The following PTPRO variants were observed in gnomAD, a reference collection of about 807,000 sequenced individuals.
The protein encoded by PTPRO is protein tyrosine phosphatase receptor type O, also known as receptor-type tyrosine-protein phosphatase O.
Under a neutral mutation model 145.2 loss-of-function variants are expected in PTPRO, and 62 were observed. The observed-to-expected ratio is 0.43, with a 90% CI of 0.35 to 0.53. The LOEUF (loss-of-function observed/expected upper bound fraction) is 0.53. Among genes scored for constraint, PTPRO ranks in the 20% least tolerant of loss-of-function variants. The probability of loss-of-function intolerance (pLI) is 0.01; values close to 1 mark genes in which losing one functional copy is unlikely to be tolerated. For missense variants in PTPRO, 1,345 were observed against 1,482.7 expected (o/e 0.91, Z 1.53); for synonymous variants, 565 against 514.7 (o/e 1.10, Z -1.32).
chr12:15,583,258 G>A (rs1944359435), intron 23 of PTPRO, among the ~76,000 whole-genome samples: 1 of 152,130 alleles, frequency 6.6e-6, no homozygotes, highest in Non-Finnish European at 1.5e-5. Flanking sequence ...GAGGCGAGCA[G>A]ATCACTTAAG....
chr12:15,555,311 A>G (rs190138789), intron 15 of PTPRO, among the ~76,000 whole-genome samples: 1 of 152,296 alleles, frequency 6.6e-6, no homozygotes, highest in East Asian at 1.9e-4. Flanking sequence ...AAATTCAGGG[A>G]GTAAATGTAA....
At chr12:15,424,890 G>T (rs2136332186) in intron 1 of PTPRO, among the ~76,000 whole-genome samples, 1 of 152,234 alleles carries the variant, frequency 6.6e-6, no homozygotes, top group African/African-American at 2.4e-5. Flanking sequence ...AAGTCAGATT[G>T]TGAGGATGGC....
In PTPRO at chr12:15,516,844, G is replaced by A. The variant is rs1416120076; in HGVS notation, c.1667G>A (p.Gly556Asp). 6.2e-7 allele frequency: 1 copy of A among 1,612,132 alleles called. No individual in the cohort carries two copies. The change falls in exon 9 of 27, where the codon GGC becomes GAC. Residue 556 changes from glycine to aspartate, a missense_variant. Transcript: ENST00000281171. The part of the protein sequence containing the change: ...VVLSWTRPYL[G>D]VFRKYVVEMF... ...CTGAGCTGGACCAGACCTTATTTAG[G>A]CGTGTTCAGAAAATACGTGGTTGAA...
chr12:15,504,207 T>C, intron 6 of PTPRO, 138 bp downstream of exon 6: 1 of 951,920 alleles, frequency 1.1e-6, no homozygotes, highest in Non-Finnish European at 1.6e-6. Flanking sequence ...GAGGCTGAGA[T>C]CCACAAGCTT....
chr12:15,564,768 A>C (rs1324408034), intron 17 of PTPRO, among the ~76,000 whole-genome samples: 2 of 152,240 alleles, frequency 1.3e-5, no homozygotes, highest in African/African-American at 4.8e-5. Flanking sequence ...ACTTGCAAAA[A>C]AGTTTGCTGT....
intron 12 of PTPRO, among the ~76,000 whole-genome samples, chr12:15,534,685 G>A (rs1326580619): frequency 6.6e-6 from 1 of 152,188 alleles, no homozygotes; most frequent in Non-Finnish European, 1.5e-5. Context: ...GGAACAGGCA[G>A]GCCTGAGTAT....
intron 1 of PTPRO, among the ~76,000 whole-genome samples, chr12:15,384,436 A>G (rs1403680669): frequency 6.6e-6 from 1 of 152,200 alleles, no homozygotes; most frequent in African/African-American, 2.4e-5. Context: ...TGGAAAAGCT[A>G]AGATCGAGGT....
intron 13 of PTPRO, among the ~76,000 whole-genome samples, chr12:15,548,588 G>C (rs1006866935): frequency 2.0e-5 from 3 of 151,856 alleles, no homozygotes; most frequent in African/African-American, 7.3e-5. Context: ...CCAAATTTGT[G>C]AAATGAAGTT....
chr12:15,336,792 A>G (rs1866778688), intron 1 of PTPRO, among the ~76,000 whole-genome samples: 1 of 152,156 alleles, frequency 6.6e-6, no homozygotes, highest in African/African-American at 2.4e-5. Context: ...AGCCTTGCTA[A>G]TATCTTGCTA....
chr12:15,447,094 A>G (rs1320426273), intron 1 of PTPRO, among the ~76,000 whole-genome samples: 1 of 152,132 alleles, frequency 6.6e-6, no homozygotes, highest in Non-Finnish European at 1.5e-5. Flanking sequence ...AGCCCTCCGC[A>G]AGAGGCTGCC....
chr12:15,523,732 G>T (rs1343068755), intron 10 of PTPRO, among the ~76,000 whole-genome samples: 1 of 151,570 alleles, frequency 6.6e-6, no homozygotes, highest in Non-Finnish European at 1.5e-5. Context: ...CTGAGATTGC[G>T]CCACTGCACT....
intron 17 of PTPRO, 75 bp from the exon 18 acceptor site, chr12:15,565,518 G>A (rs960552328): frequency 1.0e-6 from 1 of 970,432 alleles, no homozygotes; most frequent in Non-Finnish European, 1.6e-6. Context: ...ATTATTTAAA[G>A]CTGTTCAAGT....
Position 15,340,656 on chromosome 12 carries a change from C to T in PTPRO, c.75+17855C>T, listed in dbSNP as rs188057973. 7.9e-4 allele frequency among the ~76,000 whole-genome samples: 121 copies of T among 152,234 alleles called. 1 individual carries two copies. The highest frequency in any genetic ancestry group is 2.1e-4 in the Non-Finnish European group (14 of 68,014). On this transcript the variant is annotated intron_variant, in intron 1 of 26. Coordinates refer to ENST00000281171, the MANE Select transcript of PTPRO (RefSeq NM_030667.3). ...TTACACAGAGCTGAATGTAATGTTACGTGCTGATGGGGAGAACTGGTGTTT... is the reference window on the plus strand; with the variant it reads ...TTACACAGAGCTGAATGTAATGTTATGTGCTGATGGGGAGAACTGGTGTTT...
chr12:15,491,676 C>A (rs1942001686), intron 2 of PTPRO, among the ~76,000 whole-genome samples: 1 of 152,188 alleles, frequency 6.6e-6, no homozygotes, highest in African/African-American at 2.4e-5. Flanking sequence ...TTCTTGTCAT[C>A]CACTTTTTGC....
At chr12:15,337,204 A>T (rs911512052) in intron 1 of PTPRO, among the ~76,000 whole-genome samples, 1 of 152,186 alleles carries the variant, frequency 6.6e-6, no homozygotes, top group Non-Finnish European at 1.5e-5. Flanking sequence ...ACTATCATTC[A>T]TTGCAGGAAG....
intron 17 of PTPRO, among the ~76,000 whole-genome samples, chr12:15,560,790 G>A (rs763859862): frequency 8.6e-5 from 13 of 152,042 alleles, no homozygotes; most frequent in Non-Finnish European, 1.6e-4. Flanking sequence ...CCTGCAGAGA[G>A]TATTACTAGT....
chr12:15,345,741 T>TATA (rs1458038455), intron 1 of PTPRO, among the ~76,000 whole-genome samples: 1 of 151,966 alleles, frequency 6.6e-6, no homozygotes, highest in Admixed American at 6.6e-5. Context: ...GAACTTAAAG[T>TATA]ATAATAATAA....
At chr12:15,565,701 T>C in intron 18 of PTPRO, 73 bp downstream of exon 18, 1 of 1,126,942 alleles carries the variant, frequency 8.9e-7, no homozygotes, top group Non-Finnish European at 1.3e-6. Context: ...TAAAGATTGC[T>C]TGTCTTCAAA....
chr12:15,482,165 GTGTA>G (rs1347087262), intron 1 of PTPRO, among the ~76,000 whole-genome samples: 1 of 145,062 alleles, frequency 6.9e-6, no homozygotes, highest in African/African-American at 2.7e-5. Context: ...GTGTGTGTGT[GTGTA>G]TATATATATA....
Sources: gnomAD v4.1 joint callset for allele counts (sites outside exome capture counted in the v4.1 genomes callset) on GRCh38, gnomAD v4.1.1 for gene constraint, MANE v1.5 for transcripts, NCBI Gene and HGNC (gene_info 2026-07-23, HGNC 2026-07-21) for gene names.